Variants in WNT10A observed in about 807,000 individuals in gnomAD.
WNT10A encodes Wnt family member 10A.
A neutral mutation model predicts 36.1 loss-of-function variants in WNT10A; 37 were observed. The ratio of observed to expected loss-of-function variants is 1.02; its 90% CI spans 0.79 to 1.35. The LOEUF (loss-of-function observed/expected upper bound fraction) is 1.35, where lower values mean the gene tolerates loss of function less well. WNT10A is among the 40% of genes most tolerant of loss of function. The pLI, the probability that WNT10A is intolerant of heterozygous loss-of-function variation, is 0.00. For synonymous variants in WNT10A, 255 were observed against 254.1 expected (o/e 1.00, Z -0.03); for missense variants, 613 against 601.4 (o/e 1.02, Z -0.20).
chr2:218,882,150 T>C lies in WNT10A; in HGVS notation c.114-11T>C, dbSNP rs1944524646. 6.2e-7 allele frequency: 1 copy of C among 1,613,590 alleles called. No individual in the cohort carries two copies. ...CAAAACACGTACCCACTCCACCCCA[T>C]ATGTCTGCAGGTCAGCACCCAATGA... On this transcript the variant is annotated splice_polypyrimidine_tract_variant and intron_variant, in intron 1 of 3. Transcript: ENST00000258411.
intron 1 of WNT10A, among the ~76,000 whole-genome samples, chr2:218,881,868 A>G (rs1944520780): frequency 6.6e-6 from 1 of 152,142 alleles, no homozygotes; most frequent in African/African-American, 2.4e-5. Flanking sequence ...ATGGGCATCT[A>G]TTCCTGGGGA....
the WNT10A span, among the ~76,000 whole-genome samples, chr2:218,875,162 T>C: frequency 3.9e-5 from 1 of 25,728 alleles, no homozygotes; most frequent in Non-Finnish European, 6.2e-5. Flanking sequence ...TGACTTTCTT[T>C]TTTTTTTTTT....
upstream of WNT10A, among the ~76,000 whole-genome samples, chr2:218,876,460 C>G (rs1487505812): frequency 6.6e-6 from 1 of 152,160 alleles, no homozygotes. Flanking sequence ...CCTCAAGGCT[C>G]ATGGTGGGGA....
At chr2:218,877,317 C>T (rs1160800853), upstream of WNT10A, among the ~76,000 whole-genome samples, 1 of 152,150 alleles carries the variant, frequency 6.6e-6, no homozygotes, top group Non-Finnish European at 1.5e-5. This position sits in a 1 kb window ranked among gnomAD's most constrained non-coding sequence, Gnocchi z 4.1. Context: ...GTTACTGGTC[C>T]ATCTTCTGTT....
chr2:218,886,215 G>GCACA (rs112761948), intron 2 of WNT10A, among the ~76,000 whole-genome samples: 3 of 150,614 alleles, frequency 2.0e-5, no homozygotes, highest in Non-Finnish European at 3.0e-5. Flanking sequence ...ATACGTGCAC[G>GCACA]CACACACACA....
In WNT10A at chr2:218,893,508, C is replaced by T. The variant is rs1944682366; in HGVS notation, c.*237C>T. On this transcript the variant is annotated 3_prime_UTR_variant, in exon 4 of 4. Coordinates refer to ENST00000258411, the MANE Select transcript of WNT10A (RefSeq NM_025216.3). The surrounding 1 kb of genome is among the most constrained non-coding windows in gnomAD (Gnocchi z 6.3). Reference sequence around the variant, plus strand: ...GACTGACTGGGTTCTTCCTCCCTCCCCGAAGCCCAGACAGTTCAGTTGGGC... The same window carrying T: ...GACTGACTGGGTTCTTCCTCCCTCCTCGAAGCCCAGACAGTTCAGTTGGGC... 2.0e-6 allele frequency: 1 copy of T among 508,478 alleles called. No homozygotes were observed. Among genetic ancestry groups the T allele is most frequent in the East Asian group, 3.3e-5 (1 of 29,960 alleles). 31.5% of individuals were successfully genotyped at this position (508,478 alleles called of 1,614,324 possible). A position where few individuals can be genotyped will look rare whatever the true frequency, so the allele number is the denominator to read the frequency against.
intron 2 of WNT10A, among the ~76,000 whole-genome samples, chr2:218,887,183 G>T (rs1471835958): frequency 6.6e-6 from 1 of 152,174 alleles, no homozygotes; most frequent in African/African-American, 2.4e-5. Flanking sequence ...CCTGGGAGCT[G>T]GGAGAGCTGG....
rs886195107 is a variant in WNT10A, at chr2:218,880,879, C to T, written c.-117C>T. ...CTGCTCCGGGAGCCCTGACCCGAGTCGGAGCTGTGTGTCGCAGCCGCCCCG... is the reference window on the plus strand; with the variant it reads ...CTGCTCCGGGAGCCCTGACCCGAGTTGGAGCTGTGTGTCGCAGCCGCCCCG... On this transcript the variant is annotated 5_prime_UTR_variant, in exon 1 of 4. Coordinates refer to ENST00000258411, the MANE Select transcript of WNT10A (RefSeq NM_025216.3). The surrounding 1 kb of genome is among the most constrained non-coding windows in gnomAD (Gnocchi z 7.7). 7.8e-7 allele frequency: 1 copy of T among 1,290,308 alleles called. No homozygotes were observed. Among genetic ancestry groups the T allele is most frequent in the East Asian group, 2.7e-5 (1 of 36,438 alleles). The allele number at this position is 1,290,308 out of a possible 1,614,324, so 79.9% of individuals were successfully genotyped here. A position where few individuals can be genotyped will look rare whatever the true frequency, so the allele number is the denominator to read the frequency against.
At chr2:218,891,936 T>A (rs1046473425) in intron 3 of WNT10A, among the ~76,000 whole-genome samples, 7 of 152,056 alleles carry the variant, frequency 4.6e-5, no homozygotes, top group African/African-American at 1.7e-4. Context: ...GGGTTCTTAG[T>A]AAGGAGACTC....
At chr2:218,879,067 T>TCCCCCCCACCTCCC (rs1944479314), upstream of WNT10A, among the ~76,000 whole-genome samples, 3 of 138,982 alleles carry the variant, frequency 2.2e-5, no homozygotes, top group African/African-American at 8.8e-5. Context: ...GCCAGACTGC[T>TCCCCCCCACCTCCC]CCCCCCCCAC....
At chr2:218,879,754 G>C (rs1345505951), upstream of WNT10A, among the ~76,000 whole-genome samples, 1 of 152,154 alleles carries the variant, frequency 6.6e-6, no homozygotes, top group African/African-American at 2.4e-5. Flanking sequence ...GCTGCGTTCG[G>C]TTCTCGCTCT....
the WNT10A span, among the ~76,000 whole-genome samples, chr2:218,875,150 A>T: frequency 4.7e-5 from 5 of 106,678 alleles, no homozygotes; most frequent in Non-Finnish European, 7.5e-5. Context: ...CTTACATAAG[A>T]CTGACTTTCT....
At chr2:218,881,762 G>A (rs1944519737) in intron 1 of WNT10A, among the ~76,000 whole-genome samples, 1 of 152,152 alleles carries the variant, frequency 6.6e-6, no homozygotes, top group African/African-American at 2.4e-5. Context: ...GCTGGGGTTG[G>A]GTTTGTGTGT....
chr2:218,887,405 A>C (rs1944591202), intron 2 of WNT10A, among the ~76,000 whole-genome samples: 1 of 152,168 alleles, frequency 6.6e-6, no homozygotes, highest in Admixed American at 6.5e-5. Flanking sequence ...ATAAAAGGCA[A>C]GGGATAAATG....
chr2:218,881,158 C>T, intron 1 of WNT10A, 50 bp downstream of exon 1: 1 of 1,554,000 alleles, frequency 6.4e-7, no homozygotes, highest in South Asian at 1.2e-5. Context: ...GGACCCCGGC[C>T]TGCAGGGGCC....
upstream of WNT10A, among the ~76,000 whole-genome samples, chr2:218,878,947 G>A (rs958547182): frequency 1.3e-5 from 2 of 152,130 alleles, no homozygotes; most frequent in Admixed American, 1.3e-4. This position sits in a 1 kb window ranked among gnomAD's most constrained non-coding sequence, Gnocchi z 4.1. Flanking sequence ...AGCTGTCCCC[G>A]TTTCTGCAGC....
At chr2:218,887,284 T>G (rs1047360223) in intron 2 of WNT10A, among the ~76,000 whole-genome samples, 8 of 152,260 alleles carry the variant, frequency 5.3e-5, no homozygotes, top group African/African-American at 1.2e-4. Flanking sequence ...TGTGTGTGTG[T>G]GGGTGATTTC....
chr2:218,876,210 T>G (rs1358087351), upstream of WNT10A, among the ~76,000 whole-genome samples: 2 of 152,236 alleles, frequency 1.3e-5, no homozygotes, highest in African/African-American at 4.8e-5. Context: ...CTTGGTCATT[T>G]GCCTATTCCT....
Position 218,892,977 on chromosome 2 carries a change from G to A in WNT10A, c.960G>A (p.Pro320=). 6.8e-7 allele frequency: 1 copy of A among 1,460,196 alleles called. No individual in the cohort carries two copies. The allele number at this position is 1,460,196 out of a possible 1,614,324, so 90.5% of individuals were successfully genotyped here. The change falls in exon 4 of 4, where the codon CCG becomes CCA. Residue 320 remains proline, a synonymous_variant. Coordinates refer to ENST00000258411, the MANE Select transcript of WNT10A (RefSeq NM_025216.3). ...CGGGCCCAGCGGGGGCACCCTCGCC[G>A]GCTCCGGGCGCTCCCGGGCCGCGCC... ...LEPGPAGAPS[P]APGAPGPRRR...
Sources: allele counts gnomAD v4.1 joint callset (sites outside exome capture counted in the v4.1 genomes callset), GRCh38; gene constraint gnomAD v4.1.1; non-coding constraint Gnocchi (gnomAD v3.1); transcripts MANE v1.5; gene names NCBI Gene and HGNC (gene_info 2026-07-23, HGNC 2026-07-21).